Variants in SAMD3 observed in about 807,000 individuals in gnomAD.
The protein encoded by SAMD3 is sterile alpha motif domain-containing protein 3.
A neutral mutation model predicts 58.5 loss-of-function variants in SAMD3; 63 were observed. The observed-to-expected ratio is 1.08, with a 90% CI of 0.88 to 1.33. The LOEUF (loss-of-function observed/expected upper bound fraction) is 1.33, where lower values mean the gene tolerates loss of function less well. Among genes scored for constraint, SAMD3 ranks in the 40% most tolerant of loss-of-function variants. SAMD3 has a pLI of 0.00. For missense variants in SAMD3, 604 were observed against 608.4 expected, an observed-to-expected ratio of 0.99 and a Z score of 0.08; for synonymous variants, 220 against 210.3, an observed-to-expected ratio of 1.05 and a Z score of -0.40.
At chr6:130,310,964 G>A (rs1429793593) in intron 2 of SAMD3, among the ~76,000 whole-genome samples, 1 of 152,076 alleles carries the variant, frequency 6.6e-6, no homozygotes, top group Non-Finnish European at 1.5e-5. Flanking sequence ...GATTAAGCAG[G>A]GAGAGTGTAT....
At chr6:130,163,626 G>A (rs1790463673) in intron 8 of SAMD3, among the ~76,000 whole-genome samples, 1 of 152,168 alleles carries the variant, frequency 6.6e-6, no homozygotes, top group East Asian at 1.9e-4. Context: ...GAAATTAACT[G>A]TCAAGATTTG....
rs139428182 is a variant in SAMD3, at chr6:130,176,742, T to C, written c.655-734A>G. Among the ~76,000 whole-genome samples, 1,138 of 152,190 alleles carry C rather than the reference T, an allele frequency of 7.5e-3. 23 individuals carry two copies. The highest frequency in any genetic ancestry group is 0.027 in the African/African-American group (1,106 of 41,508). ...AGGTAACTGCATGAAGGGATGGAGA[T>C]AGCAATGGGAAATGCCAGTTGGGTA... On this transcript the variant is annotated intron_variant, in intron 7 of 11. Coordinates refer to ENST00000439090, the MANE Select transcript of SAMD3 (RefSeq NM_001017373.4).
rs746128855 is a variant in SAMD3, at chr6:130,261,371, G to A, written c.-187-38558C>T. ...TTGGTTTGAATTGCTTGACAGGACCGGTCTTGGGAACTTGCCTACTCCATT... is the reference window on the plus strand; with the variant it reads ...TTGGTTTGAATTGCTTGACAGGACCAGTCTTGGGAACTTGCCTACTCCATT... On this transcript the variant is annotated intron_variant, in intron 2 of 13. Coordinates refer to the SAMD3 transcript ENST00000368134. 1.1e-4 allele frequency among the ~76,000 whole-genome samples: 17 copies of A among 151,714 alleles called. 3 individuals are homozygous for A. The highest frequency in any genetic ancestry group is 2.5e-4 in the Non-Finnish European group (17 of 67,952).
chr6:130,280,982 C>T (rs1774960795), intron 2 of SAMD3, among the ~76,000 whole-genome samples: 1 of 152,146 alleles, frequency 6.6e-6, no homozygotes, highest in African/African-American at 2.4e-5. Flanking sequence ...TTTCTATATA[C>T]TATGTTTCTT....
chr6:130,278,115 A>G (rs1368221311), intron 2 of SAMD3, among the ~76,000 whole-genome samples: 1 of 152,146 alleles, frequency 6.6e-6, no homozygotes, highest in Non-Finnish European at 1.5e-5. Context: ...TAGTTTGCAG[A>G]CCCTGCACTT....
chr6:130,347,397 T>C (rs976208461), intron 1 of SAMD3, among the ~76,000 whole-genome samples: 29 of 152,084 alleles, frequency 1.9e-4, no homozygotes, highest in African/African-American at 7.0e-4. Flanking sequence ...CTGATGGAGC[T>C]GAAAACAATG....
intron 2 of SAMD3, among the ~76,000 whole-genome samples, chr6:130,235,371 AT>A (rs1316351566): frequency 6.6e-6 from 1 of 152,240 alleles, no homozygotes; most frequent in Non-Finnish European, 1.5e-5. Context: ...TTTGAAAATA[AT>A]AATTTTATTC....
chr6:130,152,223 G>A (rs983977351), intron 9 of SAMD3, among the ~76,000 whole-genome samples: 1 of 152,174 alleles, frequency 6.6e-6, no homozygotes, highest in Non-Finnish European at 1.5e-5. Flanking sequence ...AGGGACAACT[G>A]TCCTCTTACG....
At chr6:130,293,158 C>A (rs1164322456) in intron 2 of SAMD3, among the ~76,000 whole-genome samples, 2 of 152,156 alleles carry the variant, frequency 1.3e-5, no homozygotes, top group Admixed American at 1.3e-4. Context: ...ACTAGAGAAG[C>A]ATTTTGGTTT....
chr6:130,167,211 T>G (rs955406281), intron 8 of SAMD3, among the ~76,000 whole-genome samples: 13 of 152,142 alleles, frequency 8.5e-5, no homozygotes, highest in African/African-American at 2.9e-4. Flanking sequence ...TCATTTATGT[T>G]AAATCAAATA....
At chr6:130,263,524 C>T (rs1168792219) in intron 2 of SAMD3, among the ~76,000 whole-genome samples, 7 of 152,096 alleles carry the variant, frequency 4.6e-5, no homozygotes, top group Non-Finnish European at 1.0e-4. Flanking sequence ...AAAGCGCCAC[C>T]CCCTCCAGAG....
In SAMD3 at chr6:130,349,517, C is replaced by G. The variant is rs147333840; in HGVS notation, c.-304+15603G>C. On this transcript the variant is annotated intron_variant, in intron 1 of 13. Coordinates refer to the SAMD3 transcript ENST00000368134. ...TTCCTCATCCCTCCCAAGACTAAAC[C>G]GGGAAGAAGTTGAATCTCTGAATAG... Among the ~76,000 whole-genome samples the G allele has an allele frequency of 7.9e-5, 12 of 152,170 alleles. No homozygotes were observed. In the East Asian group the frequency reaches 1.3e-3, roughly 17 times the overall value.
intron 2 of SAMD3, among the ~76,000 whole-genome samples, chr6:130,261,568 C>T (rs879290892): frequency 2.6e-5 from 4 of 152,010 alleles, no homozygotes; most frequent in Admixed American, 2.0e-4. Context: ...GCCCTTTTTA[C>T]CCATTCTTTG....
chr6:130,312,003 T>C (rs1415907216), intron 2 of SAMD3, among the ~76,000 whole-genome samples: 3 of 151,944 alleles, frequency 2.0e-5, no homozygotes, highest in Non-Finnish European at 4.4e-5. Context: ...TTGCCATACC[T>C]GAGGGGCTGA....
At chr6:130,256,060 C>T (rs1038281806) in intron 2 of SAMD3, among the ~76,000 whole-genome samples, 1 of 150,408 alleles carries the variant, frequency 6.6e-6, no homozygotes, top group Non-Finnish European at 1.5e-5. Flanking sequence ...TAGTAGCATA[C>T]TTTGACATTT....
intron 1 of SAMD3, among the ~76,000 whole-genome samples, chr6:130,318,826 G>C (rs1776484227): frequency 6.6e-6 from 1 of 152,110 alleles, no homozygotes; most frequent in African/African-American, 2.4e-5. Context: ...GAAATTACAT[G>C]GATAATCAGT....
chr6:130,244,839 G>A (rs1403579998), intron 2 of SAMD3, among the ~76,000 whole-genome samples: 1 of 152,158 alleles, frequency 6.6e-6, no homozygotes, highest in Non-Finnish European at 1.5e-5. Flanking sequence ...AACTGAGATG[G>A]TGCTGTAGAA....
intron 5 of SAMD3, among the ~76,000 whole-genome samples, chr6:130,195,311 G>A (rs1007732273): frequency 6.6e-6 from 1 of 151,934 alleles, no homozygotes; most frequent in Non-Finnish European, 1.5e-5. Flanking sequence ...AATCACCTTT[G>A]CCCTGCTCAA....
At chr6:130,305,589 T>G (rs527507701) in intron 2 of SAMD3, among the ~76,000 whole-genome samples, 4 of 152,312 alleles carry the variant, frequency 2.6e-5, no homozygotes, top group East Asian at 1.9e-4. Flanking sequence ...TTCTACCAGT[T>G]AGATAAGAAT....
Sources: gnomAD v4.1 joint callset for allele counts (sites outside exome capture counted in the v4.1 genomes callset) on GRCh38, gnomAD v4.1.1 for gene constraint, MANE v1.5 for transcripts, NCBI Gene and HGNC (gene_info 2026-07-23, HGNC 2026-07-21) for gene names.